STXBP6: variants seen among roughly 807,000 people sequenced by gnomAD.
STXBP6 encodes the protein syntaxin binding protein 6.
A neutral mutation model predicts 26.9 loss-of-function variants in STXBP6; 21 were observed. That is an observed-to-expected ratio of 0.78 (90% confidence interval 0.55 to 1.12). The LOEUF is 1.12. STXBP6 is among the 50% of genes most tolerant of loss of function. The pLI is 0.00. For synonymous variants in STXBP6, 97 were observed against 92.6 expected (o/e 1.05, Z -0.27); for missense variants, 232 against 257.9 (o/e 0.90, Z 0.69).
chr14:24,984,714 T>C (rs7157481), intron 1 of STXBP6, among the ~76,000 whole-genome samples: 57,073 of 152,108 alleles, frequency 0.38, 13,448 homozygotes, highest in African/African-American at 0.67. Flanking sequence ...AATTCTGACA[T>C]AAGAGATGTA....
intron 2 of STXBP6, among the ~76,000 whole-genome samples, chr14:24,926,537 G>A (rs2072177353): frequency 6.6e-6 from 1 of 152,042 alleles, no homozygotes; most frequent in East Asian, 1.9e-4. Context: ...ATAGGCTGAC[G>A]AACTCCATTA....
At chr14:24,967,838 A>G (rs1314436609) in intron 2 of STXBP6, among the ~76,000 whole-genome samples, 2 of 152,200 alleles carry the variant, frequency 1.3e-5, no homozygotes, top group Non-Finnish European at 2.9e-5. Context: ...AAAGGAATCT[A>G]CTATTTAAAA....
chr14:24,829,911 AAC>A (rs368875796), intron 4 of STXBP6, among the ~76,000 whole-genome samples: 104 of 152,300 alleles, frequency 6.8e-4, no homozygotes, highest in African/African-American at 2.4e-3. Flanking sequence ...GAATTGCTGA[AAC>A]ACAATAATTT....
chr14:24,960,033 C>G (rs1300835691), intron 2 of STXBP6, among the ~76,000 whole-genome samples: 1 of 152,204 alleles, frequency 6.6e-6, no homozygotes, highest in East Asian at 1.9e-4. Flanking sequence ...AAAAGGGGAG[C>G]AGACAACCCC....
intron 1 of STXBP6, among the ~76,000 whole-genome samples, chr14:24,996,799 G>A (rs2074614306): frequency 7.1e-6 from 1 of 141,458 alleles, no homozygotes; most frequent in African/African-American, 2.7e-5. Flanking sequence ...AGGCTGCGGT[G>A]AGCCAAGATC....
intron 1 of STXBP6, among the ~76,000 whole-genome samples, chr14:25,038,710 C>G (rs1160699779): frequency 2.6e-5 from 4 of 151,988 alleles, no homozygotes; most frequent in Admixed American, 6.6e-5. Flanking sequence ...AACTATTGGG[C>G]ACTAGGCTTA....
At chr14:25,013,465 T>TACACACAC (rs2075076618) in intron 1 of STXBP6, among the ~76,000 whole-genome samples, 3 of 100,018 alleles carry the variant, frequency 3.0e-5, no homozygotes, top group African/African-American at 1.5e-4. Flanking sequence ...ACATCTCTCT[T>TACACACAC]TCACACACAC....
chr14:24,957,764 G>T (rs538319641), intron 2 of STXBP6, among the ~76,000 whole-genome samples: 3 of 152,250 alleles, frequency 2.0e-5, no homozygotes, highest in African/African-American at 7.2e-5. Context: ...AGGCCTACTG[G>T]CCCTCTAGGT....
intron 2 of STXBP6, among the ~76,000 whole-genome samples, chr14:24,885,569 C>T (rs997790964): frequency 6.6e-6 from 1 of 152,242 alleles, no homozygotes; most frequent in Non-Finnish European, 1.5e-5. Flanking sequence ...ATCATTAACT[C>T]AGGCACAGCT....
At chr14:24,909,039 A>G (rs777509770) in intron 2 of STXBP6, among the ~76,000 whole-genome samples, 17 of 152,222 alleles carry the variant, frequency 1.1e-4, no homozygotes, top group Non-Finnish European at 2.5e-4. Flanking sequence ...ATCAAACCAT[A>G]TTTACATTTC....
chr14:24,870,805 C>T (rs909509302), intron 2 of STXBP6, among the ~76,000 whole-genome samples: 1 of 152,170 alleles, frequency 6.6e-6, no homozygotes, highest in Admixed American at 6.5e-5. Flanking sequence ...CTCCATTGAC[C>T]CTAGCTGAGC....
chr14:24,839,096 G>A (rs1007905724), intron 4 of STXBP6, among the ~76,000 whole-genome samples: 4 of 152,102 alleles, frequency 2.6e-5, no homozygotes, highest in Non-Finnish European at 5.9e-5. Context: ...GCAACTACAC[G>A]GGAGTTGAGT....
chr14:24,938,873 T>C (rs1439617138), intron 2 of STXBP6, among the ~76,000 whole-genome samples: 1 of 152,124 alleles, frequency 6.6e-6, no homozygotes, highest in African/African-American at 2.4e-5. Flanking sequence ...GTATTCAACT[T>C]GCTCTATTAA....
intron 2 of STXBP6, among the ~76,000 whole-genome samples, chr14:24,958,413 T>C (rs1047493865): frequency 6.6e-6 from 1 of 152,148 alleles, no homozygotes; most frequent in Non-Finnish European, 1.5e-5. Flanking sequence ...CTCAAAGAGC[T>C]CATTTTATGG....
chr14:24,897,409 CAAAAA>C (rs34542483), intron 2 of STXBP6, among the ~76,000 whole-genome samples: 2 of 37,632 alleles, frequency 5.3e-5, no homozygotes, highest in African/African-American at 8.2e-5. Context: ...GACTCTGTCT[CAAAAA>C]AAAAAAAAAA....
chr14:24,958,980 AG>A (rs965819448), intron 2 of STXBP6, among the ~76,000 whole-genome samples: 1 of 152,172 alleles, frequency 6.6e-6, no homozygotes, highest in African/African-American at 2.4e-5. Context: ...TCTAAACAGG[AG>A]GTCACAGTGT....
chr14:25,000,513 T>A (rs947407556), intron 1 of STXBP6, among the ~76,000 whole-genome samples: 1 of 151,540 alleles, frequency 6.6e-6, no homozygotes, highest in Admixed American at 6.6e-5. Flanking sequence ...CCTCCTGTCT[T>A]CTGGTCCCAT....
chr14:24,984,947 C>T (rs546034630), intron 1 of STXBP6, among the ~76,000 whole-genome samples: 5 of 152,090 alleles, frequency 3.3e-5, no homozygotes, highest in Non-Finnish European at 5.9e-5. Context: ...GAGAAAGGTA[C>T]GGAAAGGTGA....
intron 1 of STXBP6, among the ~76,000 whole-genome samples, chr14:24,990,287 A>G (rs1258455660): frequency 6.6e-6 from 1 of 152,152 alleles, no homozygotes; most frequent in Non-Finnish European, 1.5e-5. Context: ...TCCCTGTTCC[A>G]AGCTGAGTAG....
Sources: gnomAD v4.1 joint callset for allele counts (sites outside exome capture counted in the v4.1 genomes callset) on GRCh38, gnomAD v4.1.1 for gene constraint, MANE v1.5 for transcripts, NCBI Gene and HGNC (gene_info 2026-07-23, HGNC 2026-07-21) for gene names.